NADK2: variants seen among roughly 807,000 people sequenced by gnomAD.
The protein encoded by NADK2 is NAD kinase 2, mitochondrial.
NADK2 carries 35 observed loss-of-function variants against 62.1 expected under a neutral mutation model. That is an observed-to-expected ratio of 0.56 (90% CI 0.43 to 0.75). The LOEUF (loss-of-function observed/expected upper bound fraction) is 0.75, where lower values mean the gene tolerates loss of function less well. NADK2 is among the 30% of genes least tolerant of loss of function. NADK2 has a pLI of 0.00. For synonymous variants in NADK2, 205 were observed against 207.9 expected, an observed-to-expected ratio of 0.99 and a Z score of 0.12; for missense variants, 439 against 561.3, an observed-to-expected ratio of 0.78 and a Z score of 2.20.
intron 9 of NADK2, among the ~76,000 whole-genome samples, chr5:36,200,590 A>T (rs1371720168): frequency 1.3e-5 from 2 of 151,980 alleles, no homozygotes; most frequent in Admixed American, 1.3e-4. Flanking sequence ...GAAATCAACA[A>T]TTCATGTTTC....
chr5:36,213,765 T>A (rs971795896), intron 6 of NADK2, among the ~76,000 whole-genome samples: 1 of 151,966 alleles, frequency 6.6e-6, no homozygotes. Context: ...ATTTATTGTT[T>A]AAATTACTTT....
At chr5:36,195,694 AT>A (rs1746205426) in intron 11 of NADK2, among the ~76,000 whole-genome samples, 4 of 152,212 alleles carry the variant, frequency 2.6e-5, no homozygotes, top group Admixed American at 2.6e-4. Context: ...ATACACCCAA[AT>A]TATTAATGTA....
At chr5:36,213,763 TTTAAA>T (rs1746942546) in intron 6 of NADK2, among the ~76,000 whole-genome samples, 1 of 151,884 alleles carries the variant, frequency 6.6e-6, no homozygotes, top group South Asian at 2.1e-4. Context: ...AAATTTATTG[TTTAAA>T]TTACTTTTCC....
At chr5:36,201,525 C>T (rs997969987) in intron 8 of NADK2, among the ~76,000 whole-genome samples, 118 of 151,452 alleles carry the variant, frequency 7.8e-4, no homozygotes, top group African/African-American at 2.6e-3. Flanking sequence ...AAATAGGTAC[C>T]CATAGAAAGC....
chr5:36,206,999 G>A (rs1259905697), intron 8 of NADK2, among the ~76,000 whole-genome samples, 171 bp downstream of exon 8: 1 of 151,940 alleles, frequency 6.6e-6, no homozygotes, highest in Non-Finnish European at 1.5e-5. Flanking sequence ...TGTAATCCAA[G>A]AAGTCAAGGC....
chr5:36,234,093 G>A (rs1295662084), intron 1 of NADK2, among the ~76,000 whole-genome samples: 1 of 151,990 alleles, frequency 6.6e-6, no homozygotes, highest in Non-Finnish European at 1.5e-5. Context: ...TGTATTAATG[G>A]GCCAGGCGCG....
chr5:36,195,822 C>T (rs1579591174), intron 11 of NADK2, among the ~76,000 whole-genome samples: 2 of 152,286 alleles, frequency 1.3e-5, no homozygotes, highest in South Asian at 2.1e-4. Flanking sequence ...CTCAAGCATA[C>T]GCACCTTCCT....
intron 1 of NADK2, among the ~76,000 whole-genome samples, chr5:36,228,088 T>C (rs1747551643): frequency 6.6e-6 from 1 of 152,170 alleles, no homozygotes; most frequent in Non-Finnish European, 1.5e-5. Flanking sequence ...CTCAGATTTA[T>C]AAACTCTATT....
At chr5:36,238,843 TA>T (rs919857789) in intron 1 of NADK2, among the ~76,000 whole-genome samples, 15 of 152,132 alleles carry the variant, frequency 9.9e-5, no homozygotes, top group African/African-American at 3.1e-4. Context: ...AAACGGTAAA[TA>T]AAAGTCAAAA....
intron 8 of NADK2, among the ~76,000 whole-genome samples, chr5:36,203,175 A>G (rs1396935829): frequency 6.6e-6 from 1 of 152,110 alleles, no homozygotes; most frequent in Non-Finnish European, 1.5e-5. Flanking sequence ...AACTTATGAA[A>G]CTTTTTGGAT....
chr5:36,193,176 T>C lies in NADK2; in HGVS notation c.*1968A>G, dbSNP rs1188246985. ...AGATTAAGGATGGAGTTGGCATTTT[T>C]CCTTTAAGAAGGCATTTTAAGGCCG... is the stretch of plus-strand genomic sequence containing the variant. On this transcript the variant is annotated 3_prime_UTR_variant, in exon 12 of 12. Coordinates refer to ENST00000381937, the MANE Select transcript of NADK2 (RefSeq NM_001085411.3). The C allele has an allele frequency of 6.6e-6, 1 of 152,160 alleles. No homozygotes were observed. Among genetic ancestry groups the C allele is most frequent in the East Asian group, 1.9e-4 (1 of 5,194 alleles). The allele number at this position is 152,160 out of a possible 1,614,324, so 9.4% of individuals were successfully genotyped here.
Position 36,241,474 on chromosome 5 carries a change from G to T in NADK2, c.300+25C>A. On this transcript the variant is annotated intron_variant, in intron 1 of 11. Coordinates refer to ENST00000381937, the MANE Select transcript of NADK2 (RefSeq NM_001085411.3). This position sits in a 1 kb window ranked among gnomAD's most constrained non-coding sequence, Gnocchi z 4.9. ...CAGAGCCCCGGCCGAGCCCGGGAGC[G>T]AAGCGGGGCCGAGCCAGGACCCACC... 1 of 1,510,218 alleles carries T rather than the reference G, an allele frequency of 6.6e-7. No homozygotes were observed. The highest frequency in any genetic ancestry group is 8.8e-7 in the Non-Finnish European group (1 of 1,135,866). 93.6% of individuals were successfully genotyped at this position (1,510,218 alleles called of 1,614,324 possible).
At position 36,230,461 on chromosome 5, in the gene NADK2, T is replaced by A. The variant is rs114002535; in HGVS notation, c.301-2896A>T. ...TGCATTTACCACACCTAAAATTTCC[T>A]GGTATTTTTAAAAAATCCCTTTGAA... On this transcript the variant is annotated intron_variant, in intron 1 of 11. Transcript: ENST00000381937. 3.7e-3 allele frequency among the ~76,000 whole-genome samples: 571 copies of A among 152,374 alleles called. 3 individuals are homozygous for A. Among genetic ancestry groups the A allele is most frequent in the African/African-American group, 0.013 (534 of 41,588 alleles).
chr5:36,222,302 C>G (rs1320586392), intron 4 of NADK2, among the ~76,000 whole-genome samples: 1 of 152,112 alleles, frequency 6.6e-6, no homozygotes, highest in African/African-American at 2.4e-5. Context: ...TTCACCTACT[C>G]TCAAATCACG....
At chr5:36,215,500 T>C (rs779626854) in intron 6 of NADK2, among the ~76,000 whole-genome samples, 39 of 152,294 alleles carry the variant, frequency 2.6e-4, no homozygotes, top group Non-Finnish European at 4.7e-4. Flanking sequence ...ATACAATAAA[T>C]TGTTAATTAT....
At chr5:36,219,880 C>CTTTAA (rs1747200433) in intron 4 of NADK2, among the ~76,000 whole-genome samples, 1 of 152,192 alleles carries the variant, frequency 6.6e-6, no homozygotes, top group Non-Finnish European at 1.5e-5. Context: ...TAGTAGTCTA[C>CTTTAA]ATCCAGCTTT....
At chr5:36,197,466 T>C in intron 11 of NADK2, 75 bp downstream of exon 11, 1 of 1,572,470 alleles carries the variant, frequency 6.4e-7, no homozygotes, top group East Asian at 2.3e-5. Flanking sequence ...TGAAATTAAA[T>C]AGTTTTCAAA....
At chr5:36,218,941 T>G (rs919747520) in intron 5 of NADK2, among the ~76,000 whole-genome samples, 6 of 152,172 alleles carry the variant, frequency 3.9e-5, no homozygotes, top group African/African-American at 1.2e-4. Context: ...AGCCAAAGTT[T>G]TAATTACCTT....
At chr5:36,206,394 A>G (rs954002486) in intron 8 of NADK2, among the ~76,000 whole-genome samples, 2 of 151,932 alleles carry the variant, frequency 1.3e-5, no homozygotes. Context: ...AATATTCACT[A>G]AAAAGGTGCA....
Sources: allele counts gnomAD v4.1 joint callset (sites outside exome capture counted in the v4.1 genomes callset), GRCh38; gene constraint gnomAD v4.1.1; non-coding constraint Gnocchi (gnomAD v3.1); transcripts MANE v1.5; gene names NCBI Gene and HGNC (gene_info 2026-07-23, HGNC 2026-07-21).